Variants in ABCA5 observed in about 807,000 individuals in gnomAD.
ABCA5 encodes the protein ATP binding cassette subfamily A member 5, also known as cholesterol transporter ABCA5.
ABCA5 carries 163 observed loss-of-function variants against 206.0 expected under a neutral mutation model. That is an observed-to-expected ratio of 0.79 (90% CI 0.70 to 0.90). The LOEUF is 0.90. Among genes scored for constraint, ABCA5 ranks in the 40% least tolerant of loss-of-function variants. The probability of loss-of-function intolerance (pLI) is 0.00; values close to 1 mark genes in which losing one functional copy is unlikely to be tolerated. For synonymous variants in ABCA5, 609 were observed against 613.8 expected, an observed-to-expected ratio of 0.99 and a Z score of 0.11; for missense variants, 1,859 against 1,912.9, an observed-to-expected ratio of 0.97 and a Z score of 0.53.
chr17:69,325,526 A>G (rs1313881117), intron 1 of ABCA5, among the ~76,000 whole-genome samples: 5 of 152,206 alleles, frequency 3.3e-5, no homozygotes, highest in African/African-American at 1.2e-4. Flanking sequence ...CAATATCATA[A>G]AATTCTTTTA....
chr17:69,251,990 T>C (rs1434407501), intron 34 of ABCA5, 124 bp from the exon 35 acceptor site: 2 of 836,746 alleles, frequency 2.4e-6, no homozygotes, highest in Non-Finnish European at 3.6e-6. Flanking sequence ...TCAATTGCTA[T>C]GGCTATTACA....
chr17:69,269,020 A>C (rs1347346870), intron 22 of ABCA5: 1 of 152,248 alleles, frequency 6.6e-6, no homozygotes, highest in Non-Finnish European at 1.5e-5. Context: ...AGTTGGATCC[A>C]ATCATACAGA....
intron 1 of ABCA5, among the ~76,000 whole-genome samples, chr17:69,320,820 T>C (rs1178881544): frequency 2.0e-5 from 3 of 152,160 alleles, no homozygotes; most frequent in Non-Finnish European, 4.4e-5. Context: ...GGCGAATAAA[T>C]AAGCAAGGAC....
At chr17:69,290,249 CAT>C (rs919320431) in intron 12 of ABCA5, among the ~76,000 whole-genome samples, 4 of 152,042 alleles carry the variant, frequency 2.6e-5, no homozygotes, top group African/African-American at 9.7e-5. Flanking sequence ...GGTCATATAA[CAT>C]AGTGGGAAAA....
At chr17:69,307,236 A>G (rs2075727596) in intron 5 of ABCA5, among the ~76,000 whole-genome samples, 1 of 152,094 alleles carries the variant, frequency 6.6e-6, no homozygotes, top group South Asian at 2.1e-4. Context: ...AAATTGCACA[A>G]TTATCATCTT....
At chr17:69,272,196 C>T (rs2075281121) in intron 20 of ABCA5, among the ~76,000 whole-genome samples, 1 of 152,128 alleles carries the variant, frequency 6.6e-6, no homozygotes, top group Non-Finnish European at 1.5e-5. Context: ...TCTCTTATCT[C>T]TAACTTGCAA....
chr17:69,302,998 T>C, intron 7 of ABCA5, 92 bp from the exon 8 acceptor site: 2 of 631,402 alleles, frequency 3.2e-6, no homozygotes, highest in East Asian at 3.4e-5. Context: ...ACAAGCTATT[T>C]TCATGAAAAA....
Position 69,309,144 on chromosome 17 carries a change from G to C in ABCA5, c.469+118C>G, listed in dbSNP as rs1049664487. On this transcript the variant is annotated intron_variant, in intron 4 of 38. Transcript: ENST00000392676. ...GCTATACTTCTCAGTTTTCCTATTG[G>C]AACAAGTAAGAATAGTTGAAAATGC... The C allele has an allele frequency of 2.2e-5, 16 of 720,150 alleles. No individual in the cohort carries two copies. In the African/African-American group the frequency reaches 2.6e-4, roughly 12 times the overall value. The allele number at this position is 720,150 out of a possible 1,614,324, so 44.6% of individuals were successfully genotyped here. A position where few individuals can be genotyped will look rare whatever the true frequency, so the allele number is the denominator to read the frequency against.
At position 69,289,903 on chromosome 17, in the gene ABCA5, C is replaced by G; in HGVS notation, c.1741G>C (p.Ala581Pro). The G allele has an allele frequency of 6.2e-7, 1 of 1,611,156 alleles. No individual in the cohort carries two copies. Among genetic ancestry groups the G allele is most frequent in the Non-Finnish European group, 8.5e-7 (1 of 1,178,880 alleles). The change falls in exon 13 of 39, where the codon GCT (alanine) becomes CCT (proline). Residue 581 changes from alanine (A) to proline (P), a missense_variant. Coordinates refer to ENST00000392676, the MANE Select transcript of ABCA5 (RefSeq NM_172232.4). ...LTVEENLSIL[A>P]SIKGIPANNI... ...TTGGCTGGTATCCCTTTGATTGAAG[C>G]CAAAATTGATAAATTTTCTTCTACT...
chr17:69,259,841 G>T (rs1163150804), intron 27 of ABCA5, 44 bp from the exon 28 acceptor site: 2 of 1,234,458 alleles, frequency 1.6e-6, no homozygotes, highest in Admixed American at 4.5e-5. Flanking sequence ...AAGATTTGTT[G>T]TTGTTGTTGT....
At chr17:69,270,105 A>G (rs1221655750) in intron 22 of ABCA5, among the ~76,000 whole-genome samples, 2 of 152,154 alleles carry the variant, frequency 1.3e-5, no homozygotes, top group Non-Finnish European at 2.9e-5. Flanking sequence ...AGCTGTTTTT[A>G]AAAGTATGAA....
At chr17:69,314,167 G>A (rs897124905) in intron 2 of ABCA5, 147 bp downstream of exon 2, 1 of 384,340 alleles carries the variant, frequency 2.6e-6, no homozygotes, top group African/African-American at 2.1e-5. Flanking sequence ...TTTTTCTGTG[G>A]CTAACATGGC....
At chr17:69,323,308 C>A (rs2075878474) in intron 1 of ABCA5, among the ~76,000 whole-genome samples, 1 of 152,176 alleles carries the variant, frequency 6.6e-6, no homozygotes, top group African/African-American at 2.4e-5. Context: ...CTGCCTATAA[C>A]TAATTGAATT....
intron 22 of ABCA5, 121 bp from the exon 23 acceptor site, chr17:69,268,177 T>C (rs564117702): frequency 7.0e-5 from 39 of 557,634 alleles, no homozygotes; most frequent in East Asian, 1.5e-4. Context: ...TATTAGAATA[T>C]CTAACCCAGG....
intron 32 of ABCA5, 135 bp from the exon 33 acceptor site, chr17:69,254,004 A>T (rs2075047035): frequency 1.5e-6 from 1 of 678,140 alleles, no homozygotes; most frequent in African/African-American, 1.8e-5. Context: ...TAAGGGCAAA[A>T]GTCTCCAATT....
At chr17:69,317,390 ACTCTGTC>A (rs1474667404) in intron 1 of ABCA5, among the ~76,000 whole-genome samples, 1 of 116,028 alleles carries the variant, frequency 8.6e-6, no homozygotes, top group African/African-American at 3.2e-5. Flanking sequence ...TCAGAGCAAG[ACTCTGTC>A]TCAAAAAAAA....
intron 18 of ABCA5, among the ~76,000 whole-genome samples, chr17:69,283,324 C>A (rs1046429936): frequency 6.6e-6 from 1 of 152,226 alleles, no homozygotes; most frequent in Non-Finnish European, 1.5e-5. Flanking sequence ...ATAGTATTAA[C>A]TATAGCAGTT....
At chr17:69,250,114 T>C (rs2074995016) in intron 36 of ABCA5, 130 bp from the exon 37 acceptor site, 3 of 623,634 alleles carry the variant, frequency 4.8e-6, no homozygotes, top group Non-Finnish European at 7.5e-6. Context: ...TGGATGAAAA[T>C]TGTTTAAAAT....
At chr17:69,297,137 T>G (rs575524469) in intron 10 of ABCA5, 54 bp downstream of exon 10, 97 of 1,511,042 alleles carry the variant, frequency 6.4e-5, no homozygotes, top group Non-Finnish European at 8.6e-5. Context: ...AGAATAGGAT[T>G]TAAATGTTTC....
Sources: allele counts gnomAD v4.1 joint callset (sites outside exome capture counted in the v4.1 genomes callset), GRCh38; gene constraint gnomAD v4.1.1; transcripts MANE v1.5; gene names NCBI Gene and HGNC (gene_info 2026-07-23, HGNC 2026-07-21).